ATP8A2: variants seen among roughly 807,000 people sequenced by gnomAD.
ATP8A2 encodes the protein phospholipid-transporting ATPase IB.
ATP8A2 carries 100 observed loss-of-function variants against 165.6 expected under a neutral mutation model. The observed-to-expected ratio is 0.60, with a 90% confidence interval of 0.51 to 0.71. The LOEUF is 0.71. Ranked by LOEUF, ATP8A2 falls within the 30% of genes least tolerant of loss-of-function variation. The pLI is 0.00. For synonymous variants in ATP8A2, 543 were observed against 548.8 expected (o/e 0.99, Z 0.15); for missense variants, 1,227 against 1,479.5 (o/e 0.83, Z 2.80).
intron 24 of ATP8A2, among the ~76,000 whole-genome samples, chr13:25,691,906 G>A (rs941676685): frequency 4.6e-5 from 7 of 152,148 alleles, no homozygotes; most frequent in South Asian, 2.1e-4. Flanking sequence ...GAATTTTACC[G>A]TTTACACTCA....
At chr13:25,821,586 C>G (rs562150118) in intron 27 of ATP8A2, among the ~76,000 whole-genome samples, 1 of 152,304 alleles carries the variant, frequency 6.6e-6, no homozygotes, top group East Asian at 1.9e-4. Context: ...TGCAACCAGC[C>G]ACATGTTATT....
chr13:25,482,064 G>C (rs1187296479), intron 2 of ATP8A2, among the ~76,000 whole-genome samples: 1 of 152,034 alleles, frequency 6.6e-6, no homozygotes, highest in Admixed American at 6.5e-5. Context: ...GAATTACGTT[G>C]GGACACCAGT....
chr13:25,691,194 G>T (rs1189548685), intron 24 of ATP8A2, among the ~76,000 whole-genome samples: 1 of 152,162 alleles, frequency 6.6e-6, no homozygotes, highest in Admixed American at 6.5e-5. Context: ...TGGAGTGAGG[G>T]AAGGGACTTG....
chr13:25,400,612 T>A lies in ATP8A2; in HGVS notation c.76+28324T>A, dbSNP rs921810887. 3.3e-5 allele frequency among the ~76,000 whole-genome samples: 5 copies of A among 152,224 alleles called. No individual in the cohort carries two copies. The East Asian group carries it at 9.6e-4, about 29-fold the overall frequency. On this transcript the variant is annotated intron_variant, in intron 1 of 36. Transcript: ENST00000381655. ...CCAGAGGATTCTGAACACCACTGAA[T>A]CCTTTCCCGATGACTCCGGATTATT...
chr13:25,856,027 C>T (rs1952155412), intron 30 of ATP8A2, among the ~76,000 whole-genome samples: 1 of 152,156 alleles, frequency 6.6e-6, no homozygotes, highest in South Asian at 2.1e-4. Flanking sequence ...GTTGTAAGAG[C>T]TCTTTGTGCA....
intron 24 of ATP8A2, among the ~76,000 whole-genome samples, chr13:25,682,763 C>T (rs2042519489): frequency 1.3e-5 from 2 of 152,176 alleles, no homozygotes; most frequent in Admixed American, 1.3e-4. Context: ...AAAGCATCCC[C>T]TGAACTCCCC....
chr13:25,732,153 GT>G lies in ATP8A2; in HGVS notation c.2384+32809del, dbSNP rs1485010884. Among the ~76,000 whole-genome samples the G allele has an allele frequency of 3.9e-5, 6 of 152,260 alleles. No homozygotes were observed. The East Asian group carries it at 1.2e-3, about 29-fold the overall frequency. On this transcript the variant is annotated intron_variant, in intron 25 of 36. Coordinates refer to ENST00000381655, the MANE Select transcript of ATP8A2 (RefSeq NM_016529.6). Reference sequence around the variant, plus strand: ...CTGAGCTTTTCCCTGCTTTACTACTGTGTTTAGGAAAAGGAGGCAGCTTTTT... The same window carrying G: ...CTGAGCTTTTCCCTGCTTTACTACTGGTTTAGGAAAAGGAGGCAGCTTTTT...
At chr13:25,633,590 G>A (rs2041299373) in intron 24 of ATP8A2, among the ~76,000 whole-genome samples, 1 of 152,168 alleles carries the variant, frequency 6.6e-6, no homozygotes, top group Admixed American at 6.5e-5. Flanking sequence ...CAATGAAGTA[G>A]CCACCTTGTG....
At chr13:25,564,555 A>ATAATCCAGCGCATAAAT (rs2039255907) in intron 16 of ATP8A2, among the ~76,000 whole-genome samples, 1 of 152,228 alleles carries the variant, frequency 6.6e-6, no homozygotes, top group Non-Finnish European at 1.5e-5. Context: ...ATTGGCGAGT[A>ATAATCCAGCGCATAAAT]GTTACCCAGC....
intron 1 of ATP8A2, among the ~76,000 whole-genome samples, chr13:25,384,714 C>T (rs2032976928): frequency 6.6e-6 from 1 of 152,102 alleles, no homozygotes; most frequent in African/African-American, 2.4e-5. Flanking sequence ...TGAATATGCA[C>T]CCATTTCCTG....
In ATP8A2 at chr13:25,953,961, T is replaced by TC. The variant is rs531160379; in HGVS notation, c.3184-7614_3184-7613insC. On this transcript the variant is annotated intron_variant, in intron 33 of 36. Coordinates refer to ENST00000381655, the MANE Select transcript of ATP8A2 (RefSeq NM_016529.6). This position sits in a 1 kb window ranked among gnomAD's most constrained non-coding sequence, Gnocchi z 6.7. Reference sequence around the variant, plus strand: ...AGACACCGAGCTAGCTGCAGGAGTTTTTTTTTTTCATACCCCAGTGGCACC... The same window carrying TC: ...AGACACCGAGCTAGCTGCAGGAGTTTCTTTTTTTTCATACCCCAGTGGCACC... Among the ~76,000 whole-genome samples, 121 of 68,274 alleles carry TC rather than the reference T, an allele frequency of 1.8e-3. No homozygotes were observed. The highest frequency in any genetic ancestry group is 0.011 in the African/African-American group (114 of 10,324). The allele number at this position is 68,274 out of a possible 152,430, so 44.8% of individuals were successfully genotyped here.
At chr13:25,398,753 A>G (rs2033517958) in intron 1 of ATP8A2, among the ~76,000 whole-genome samples, 1 of 152,230 alleles carries the variant, frequency 6.6e-6, no homozygotes, top group Admixed American at 6.5e-5. Flanking sequence ...CCAATACAAC[A>G]TGATAAGCTC....
intron 6 of ATP8A2, among the ~76,000 whole-genome samples, chr13:25,534,592 A>C (rs950218389): frequency 6.6e-6 from 1 of 152,220 alleles, no homozygotes; most frequent in African/African-American, 2.4e-5. Flanking sequence ...CCTAAAACTC[A>C]TGACTGTTTC....
intron 24 of ATP8A2, among the ~76,000 whole-genome samples, chr13:25,619,355 C>T (rs2040910367): frequency 6.6e-6 from 1 of 152,168 alleles, no homozygotes; most frequent in African/African-American, 2.4e-5. Flanking sequence ...AATGCAGCTC[C>T]TCTTCATAGG....
intron 24 of ATP8A2, among the ~76,000 whole-genome samples, chr13:25,690,724 C>G (rs1205064844): frequency 6.6e-6 from 1 of 152,134 alleles, no homozygotes; most frequent in Non-Finnish European, 1.5e-5. Flanking sequence ...GTGAGCTCAC[C>G]TGGGAACCCA....
In ATP8A2 at chr13:25,414,015, T is replaced by G. The variant is rs941641830; in HGVS notation, c.76+41727T>G. On this transcript the variant is annotated intron_variant, in intron 1 of 36. Transcript: ENST00000381655. ...GGTCAGTATCGGCCATGTGGGGTGATGATGATCAGAGAGTAGAACCATGGA... is the reference window on the plus strand; with the variant it reads ...GGTCAGTATCGGCCATGTGGGGTGAGGATGATCAGAGAGTAGAACCATGGA... 3.3e-5 allele frequency among the ~76,000 whole-genome samples: 5 copies of G among 151,968 alleles called. No homozygotes were observed. In the East Asian group the frequency reaches 5.8e-4, roughly 18 times the overall value.
At chr13:25,604,374 A>C (rs867781042) in intron 24 of ATP8A2, among the ~76,000 whole-genome samples, 4 of 152,152 alleles carry the variant, frequency 2.6e-5, no homozygotes, top group African/African-American at 9.7e-5. Context: ...GCTTGATTGG[A>C]GTGAGTGCAA....
chr13:25,581,409 A>C (rs2039773870), intron 22 of ATP8A2, among the ~76,000 whole-genome samples: 1 of 152,004 alleles, frequency 6.6e-6, no homozygotes, highest in Non-Finnish European at 1.5e-5. Context: ...CAGGTCTCTT[A>C]CTCCTATTTT....
chr13:25,404,546 G>T (rs117898652), intron 1 of ATP8A2, among the ~76,000 whole-genome samples: 2 of 152,044 alleles, frequency 1.3e-5, no homozygotes, highest in South Asian at 2.1e-4. Flanking sequence ...GAACACCCAG[G>T]GGAGTGGCAG....
Sources: allele counts gnomAD v4.1 joint callset (sites outside exome capture counted in the v4.1 genomes callset), GRCh38; gene constraint gnomAD v4.1.1; non-coding constraint Gnocchi (gnomAD v3.1); transcripts MANE v1.5; gene names NCBI Gene and HGNC (gene_info 2026-07-23, HGNC 2026-07-21).